The following GNAQ variants were observed in gnomAD, a reference collection of about 807,000 sequenced individuals.
GNAQ encodes the protein guanine nucleotide-binding protein G(q) subunit alpha.
Under a neutral mutation model 43.9 loss-of-function variants are expected in GNAQ, and 8 were observed. The observed-to-expected ratio is 0.18, with a 90% CI of 0.11 to 0.33. The LOEUF (loss-of-function observed/expected upper bound fraction) is 0.33. Among genes scored for constraint, GNAQ ranks in the 10% least tolerant of loss-of-function variants. GNAQ has a pLI of 1.00. For synonymous variants in GNAQ, 155 were observed against 170.7 expected (o/e 0.91, Z 0.71); for missense variants, 158 against 450.8 (o/e 0.35, Z 5.88).
intron 1 of GNAQ, among the ~76,000 whole-genome samples, chr9:77,956,119 T>G (rs2118397854): frequency 6.6e-6 from 1 of 152,326 alleles, no homozygotes; most frequent in East Asian, 1.9e-4. Flanking sequence ...CACTTTCTAT[T>G]TACCAGGACT....
At chr9:78,004,363 C>A (rs906496466) in intron 1 of GNAQ, among the ~76,000 whole-genome samples, 4 of 152,022 alleles carry the variant, frequency 2.6e-5, no homozygotes, top group African/African-American at 4.8e-5. Context: ...CACCATTCTC[C>A]GAAGTGGGGT....
chr9:77,889,992 C>T (rs1275041492), intron 2 of GNAQ, among the ~76,000 whole-genome samples: 2 of 152,268 alleles, frequency 1.3e-5, no homozygotes, highest in Non-Finnish European at 2.9e-5. Flanking sequence ...ACAAGTAAAA[C>T]TACAAGTTAG....
At chr9:77,764,276 C>T (rs909418941) in intron 5 of GNAQ, among the ~76,000 whole-genome samples, 4 of 152,076 alleles carry the variant, frequency 2.6e-5, no homozygotes, top group Admixed American at 2.6e-4. Flanking sequence ...CACCAAATCA[C>T]AGATATTAAA....
intron 2 of GNAQ, among the ~76,000 whole-genome samples, chr9:77,921,685 A>C (rs1828998961): frequency 6.6e-6 from 1 of 152,194 alleles, no homozygotes; most frequent in South Asian, 2.1e-4. Flanking sequence ...TTTGAAATCA[A>C]ATGAAGCCTG....
intron 1 of GNAQ, among the ~76,000 whole-genome samples, chr9:77,985,992 G>A (rs1011917137): frequency 2.6e-5 from 4 of 151,898 alleles, no homozygotes; most frequent in Admixed American, 1.3e-4. Flanking sequence ...GACTGTATAC[G>A]GCCTTAATAT....
chr9:77,938,734 G>A (rs78349121), intron 1 of GNAQ, among the ~76,000 whole-genome samples: 3,758 of 152,308 alleles, frequency 0.025, 169 homozygotes, highest in East Asian at 0.18. Context: ...CTGGTGAAGT[G>A]TGAAGCTGAT....
intron 3 of GNAQ, among the ~76,000 whole-genome samples, chr9:77,812,279 A>G (rs1826941256): frequency 6.6e-6 from 1 of 152,208 alleles, no homozygotes; most frequent in Admixed American, 6.5e-5. Context: ...AAACTAACAC[A>G]ACAAGAGACA....
chr9:77,815,483 T>C (rs1014203228), intron 3 of GNAQ, 133 bp downstream of exon 3: 2 of 563,444 alleles, frequency 3.5e-6, no homozygotes, highest in South Asian at 5.9e-5. Flanking sequence ...GTTCAATATC[T>C]ATATTCCCTA....
chr9:77,861,936 C>T (rs548301903), intron 2 of GNAQ, among the ~76,000 whole-genome samples: 10 of 138,346 alleles, frequency 7.2e-5, no homozygotes, highest in East Asian at 2.3e-4. Flanking sequence ...ACCTGGGAGG[C>T]GGAGGTTGCG....
At position 77,718,411 on chromosome 9, in the gene GNAQ, T is replaced by G; in HGVS notation, c.*2912A>C. On this transcript the variant is annotated 3_prime_UTR_variant, in exon 7 of 7. Coordinates refer to ENST00000286548, the MANE Select transcript of GNAQ (RefSeq NM_002072.5). ...ACTGGTGTGGCTAAAATTAGGTTTCTATGCATCACTGCTGCTAGGGTGATC... is the reference window on the plus strand; with the variant it reads ...ACTGGTGTGGCTAAAATTAGGTTTCGATGCATCACTGCTGCTAGGGTGATC... 1 of 232,472 alleles carries G rather than the reference T, an allele frequency of 4.3e-6. No individual in the cohort carries two copies. Among genetic ancestry groups the G allele is most frequent in the East Asian group, 6.1e-5 (1 of 16,514 alleles). 14.4% of individuals were successfully genotyped at this position (232,472 alleles called of 1,614,324 possible).
intron 3 of GNAQ, among the ~76,000 whole-genome samples, chr9:77,804,906 T>C (rs555153561): frequency 5.3e-5 from 8 of 152,236 alleles, no homozygotes; most frequent in African/African-American, 1.9e-4. Context: ...GAAGACCTCA[T>C]TGTGAGAGGA....
chr9:77,757,970 C>G (rs978898054), intron 5 of GNAQ, among the ~76,000 whole-genome samples: 1 of 152,140 alleles, frequency 6.6e-6, no homozygotes, highest in Non-Finnish European at 1.5e-5. Flanking sequence ...CTCCTACGAG[C>G]AAAAAGAAAA....
intron 2 of GNAQ, among the ~76,000 whole-genome samples, chr9:77,892,336 T>C (rs1481413107): frequency 2.0e-5 from 3 of 152,160 alleles, no homozygotes; most frequent in Non-Finnish European, 4.4e-5. Flanking sequence ...GCCATGTAAA[T>C]GCATTAAGTA....
chr9:77,802,902 A>T (rs1826768444), intron 3 of GNAQ, among the ~76,000 whole-genome samples: 1 of 152,120 alleles, frequency 6.6e-6, no homozygotes, highest in Non-Finnish European at 1.5e-5. Flanking sequence ...CTGTGCTGAG[A>T]CATTATAAAT....
At chr9:77,900,590 G>A (rs904642325) in intron 2 of GNAQ, among the ~76,000 whole-genome samples, 2 of 152,042 alleles carry the variant, frequency 1.3e-5, no homozygotes, top group African/African-American at 2.4e-5. Flanking sequence ...ATGGGGCCTC[G>A]CTATGTTGCC....
chr9:77,759,368 T>C (rs1022206959), intron 5 of GNAQ, among the ~76,000 whole-genome samples: 4 of 152,204 alleles, frequency 2.6e-5, no homozygotes, highest in African/African-American at 7.2e-5. Flanking sequence ...CCAAAATCTT[T>C]ATGTTTCTGC....
At chr9:77,848,400 T>C (rs1827619973) in intron 2 of GNAQ, among the ~76,000 whole-genome samples, 1 of 152,192 alleles carries the variant, frequency 6.6e-6, no homozygotes, top group South Asian at 2.1e-4. Context: ...CTCTCACAGA[T>C]CTTCAAGCTA....
intron 1 of GNAQ, among the ~76,000 whole-genome samples, chr9:77,998,278 C>G (rs963428853): frequency 2.6e-5 from 4 of 152,228 alleles, no homozygotes; most frequent in Non-Finnish European, 4.4e-5. Context: ...ACCTCTCATG[C>G]TGCCTTTTTT....
rs552222299 is a variant in GNAQ at position 77,726,999 on chromosome 9, G to A, written c.889+1515C>T. On this transcript the variant is annotated intron_variant, in intron 6 of 6. Coordinates refer to ENST00000286548, the MANE Select transcript of GNAQ (RefSeq NM_002072.5). ...GCCATAGACAGTGTATAATGAATGGGTGTGGCTATGTCTCAATAAAACTTT... is the reference window on the plus strand; with the variant it reads ...GCCATAGACAGTGTATAATGAATGGATGTGGCTATGTCTCAATAAAACTTT... Among the ~76,000 whole-genome samples the A allele has an allele frequency of 1.1e-4, 16 of 152,282 alleles. 1 individual carries two copies. Among genetic ancestry groups the A allele is most frequent in the African/African-American group, 3.9e-4 (16 of 41,544 alleles).
Sources: allele counts gnomAD v4.1 joint callset (sites outside exome capture counted in the v4.1 genomes callset), GRCh38; gene constraint gnomAD v4.1.1; transcripts MANE v1.5; gene names NCBI Gene and HGNC (gene_info 2026-07-23, HGNC 2026-07-21).